PLCB4: variants seen among roughly 807,000 people sequenced by gnomAD.
The protein encoded by PLCB4 is phospholipase C beta 4, also known as 1-phosphatidylinositol 4,5-bisphosphate phosphodiesterase beta-4.
Under a neutral mutation model 178.8 loss-of-function variants are expected in PLCB4, and 77 were observed. That is an observed-to-expected ratio of 0.43 (90% CI 0.36 to 0.52). The LOEUF (loss-of-function observed/expected upper bound fraction) is 0.52. Ranked by LOEUF, PLCB4 falls within the 20% of genes least tolerant of loss-of-function variation. The pLI is 0.00. For missense variants in PLCB4, 1,024 were observed against 1,453.4 expected (o/e 0.70, Z 4.80); for synonymous variants, 496 against 490.8 (o/e 1.01, Z -0.14).
At chr20:9,456,275 A>G (rs1424289503) in intron 33 of PLCB4, among the ~76,000 whole-genome samples, 1 of 152,226 alleles carries the variant, frequency 6.6e-6, no homozygotes, top group Non-Finnish European at 1.5e-5. Context: ...ACTCAGCTGA[A>G]AGGAAAGATT....
At chr20:9,194,672 G>A (rs184745283) in intron 2 of PLCB4, among the ~76,000 whole-genome samples, 193 of 121,896 alleles carry the variant, frequency 1.6e-3, no homozygotes, top group African/African-American at 5.6e-3. Flanking sequence ...CAGCCTGGGC[G>A]ACAGAGCAAG....
At chr20:9,296,181 T>C (rs188031214) in intron 3 of PLCB4, among the ~76,000 whole-genome samples, 9 of 151,960 alleles carry the variant, frequency 5.9e-5, no homozygotes, top group Admixed American at 4.6e-4. Flanking sequence ...AACAGCCCCA[T>C]CAAAAAGTGG....
chr20:9,411,227 C>G (rs1007860645), intron 25 of PLCB4, 139 bp downstream of exon 25: 1 of 621,830 alleles, frequency 1.6e-6, no homozygotes, highest in Non-Finnish European at 2.8e-6. Flanking sequence ...AATGAAATAC[C>G]TAGAGAATAT....
At chr20:9,205,198 A>C (rs1308674368) in intron 2 of PLCB4, among the ~76,000 whole-genome samples, 1 of 152,224 alleles carries the variant, frequency 6.6e-6, no homozygotes, top group Non-Finnish European at 1.5e-5. Flanking sequence ...TGTGACTGCG[A>C]GGGTAAACAA....
rs117014816 is a variant in PLCB4 at position 9,349,460 on chromosome 20, G to A, written c.369+10423G>A. 5.3e-5 allele frequency among the ~76,000 whole-genome samples: 8 copies of A among 152,192 alleles called. No individual in the cohort carries two copies. The South Asian group carries it at 1.0e-3, about 20-fold the overall frequency. The stretch of plus-strand genomic sequence containing the variant: ...CTTTTTCTTAGGTTTCAATGTAACC[G>A]CAAATCCCCATGATCTGTGAGGTGG... On this transcript the variant is annotated intron_variant, in intron 7 of 39. Coordinates refer to ENST00000378473, the MANE Select transcript of PLCB4 (RefSeq NM_001377142.1).
At chr20:9,351,438 T>G (rs573712970) in intron 7 of PLCB4, among the ~76,000 whole-genome samples, 1 of 152,320 alleles carries the variant, frequency 6.6e-6, no homozygotes, top group South Asian at 2.1e-4. Context: ...AATTATATCA[T>G]AGAGGCATTA....
At chr20:9,135,567 T>A (rs1010322831) in intron 2 of PLCB4, among the ~76,000 whole-genome samples, 2 of 152,072 alleles carry the variant, frequency 1.3e-5, no homozygotes, top group African/African-American at 2.4e-5. Context: ...TTTTCTAATT[T>A]CCCCACCTTG....
chr20:9,435,430 T>C, intron 28 of PLCB4, 130 bp from the exon 29 acceptor site: 1 of 571,128 alleles, frequency 1.8e-6, no homozygotes. Flanking sequence ...GTGTGTCTTA[T>C]GTCCTAGGAA....
chr20:9,099,851 C>T (rs980839264), intron 2 of PLCB4, among the ~76,000 whole-genome samples: 7 of 152,158 alleles, frequency 4.6e-5, no homozygotes, highest in Non-Finnish European at 7.4e-5. Context: ...CCCTGACAAG[C>T]GGCAGGGGTC....
At chr20:9,289,287 T>C (rs1040325768) in intron 3 of PLCB4, among the ~76,000 whole-genome samples, 29 of 152,262 alleles carry the variant, frequency 1.9e-4, no homozygotes, top group African/African-American at 5.3e-4. Flanking sequence ...TGTCATGGCC[T>C]AAGTGGCTAG....
chr20:9,391,565 T>A (rs2038148372), intron 17 of PLCB4, among the ~76,000 whole-genome samples: 1 of 152,154 alleles, frequency 6.6e-6, no homozygotes, highest in Admixed American at 6.5e-5. Context: ...TGAAAAAAAA[T>A]ATGAGAGACA....
chr20:9,193,578 A>G lies in PLCB4; in HGVS notation c.-78-23812A>G, dbSNP rs138023224. Among the ~76,000 whole-genome samples, 11 of 152,280 alleles carry G rather than the reference A, an allele frequency of 7.2e-5. No individual in the cohort carries two copies. In the East Asian group the frequency reaches 2.1e-3, roughly 29 times the overall value. On this transcript the variant is annotated intron_variant, in intron 2 of 39. Coordinates refer to ENST00000378473, the MANE Select transcript of PLCB4 (RefSeq NM_001377142.1). Reference sequence around the variant, plus strand: ...GGGTGCTAAGCGTGAGGGGATGAAGAGTGACAAGTTGGGGCCACCATTTTG... The same window carrying G: ...GGGTGCTAAGCGTGAGGGGATGAAGGGTGACAAGTTGGGGCCACCATTTTG...
intron 2 of PLCB4, among the ~76,000 whole-genome samples, chr20:9,114,173 C>G (rs939755532): frequency 1.3e-5 from 2 of 152,064 alleles, no homozygotes; most frequent in Admixed American, 1.3e-4. Context: ...GAGATCATGC[C>G]ATTGCATTCT....
At chr20:9,419,687 G>A (rs2040492871) in intron 25 of PLCB4, 120 bp from the exon 26 acceptor site, 1 of 724,286 alleles carries the variant, frequency 1.4e-6, no homozygotes, top group South Asian at 1.6e-5. Context: ...AGGACCCTCT[G>A]CCTAAAATCC....
At chr20:9,172,807 G>C (rs1447062151) in intron 2 of PLCB4, among the ~76,000 whole-genome samples, 1 of 152,084 alleles carries the variant, frequency 6.6e-6, no homozygotes, top group East Asian at 1.9e-4. Context: ...ATAATCTGGG[G>C]TTTTCTGTTT....
intron 4 of PLCB4, among the ~76,000 whole-genome samples, chr20:9,336,843 A>ATTAAGGAT (rs1378789330): frequency 3.9e-5 from 6 of 152,150 alleles, no homozygotes; most frequent in Admixed American, 3.9e-4. Flanking sequence ...CTTCCAAGAT[A>ATTAAGGAT]TTAAGGAAAC....
intron 13 of PLCB4, 104 bp from the exon 14 acceptor site, chr20:9,384,097 C>T (rs537436342): frequency 3.2e-5 from 26 of 813,794 alleles, no homozygotes; most frequent in East Asian, 1.5e-4. Flanking sequence ...ACTGTGAAGA[C>T]GTTTTTACTC....
intron 3 of PLCB4, among the ~76,000 whole-genome samples, chr20:9,293,266 G>A (rs978697083): frequency 6.8e-6 from 1 of 147,202 alleles, no homozygotes; most frequent in Non-Finnish European, 1.5e-5. Flanking sequence ...GGAAAGGGAA[G>A]GAAAGGGAAG....
chr20:9,425,609 A>AT (rs1433383906), intron 28 of PLCB4, among the ~76,000 whole-genome samples: 1 of 152,350 alleles, frequency 6.6e-6, no homozygotes, highest in Non-Finnish European at 1.5e-5. Flanking sequence ...GTATTTAAGT[A>AT]TTTAGCCAAA....
Sources: allele counts gnomAD v4.1 joint callset (sites outside exome capture counted in the v4.1 genomes callset), GRCh38; gene constraint gnomAD v4.1.1; transcripts MANE v1.5; gene names NCBI Gene and HGNC (gene_info 2026-07-23, HGNC 2026-07-21).